Variants in SIN3A observed in about 807,000 individuals in gnomAD.
SIN3A encodes paired amphipathic helix protein Sin3a.
Under a neutral mutation model 146.1 loss-of-function variants are expected in SIN3A, and 14 were observed. The observed-to-expected ratio is 0.10, with a 90% confidence interval of 0.06 to 0.15. The LOEUF is 0.15. Among genes scored for constraint, SIN3A ranks in the 10% least tolerant of loss-of-function variants. The pLI is 1.00. For missense variants in SIN3A, 1,028 were observed against 1,576.0 expected (o/e 0.65, Z 5.89); for synonymous variants, 572 against 572.0 (o/e 1.00, Z 0.00).
rs938544306 is a variant in SIN3A, at chr15:75,380,514, G to A, written c.3383+115C>T. The A allele has an allele frequency of 3.9e-6, 3 of 765,804 alleles. No individual in the cohort carries two copies. In the Admixed American group the frequency reaches 6.2e-5, roughly 16 times the overall value. The allele number at this position is 765,804 out of a possible 1,614,324, so 47.4% of individuals were successfully genotyped here. A position where few individuals can be genotyped will look rare whatever the true frequency, so the allele number is the denominator to read the frequency against. Reference sequence around the variant, plus strand: ...ATAAAACCTTGAATTAGCATCCCCAGCAGATAGAACAAATGAATAAAATAT... The same window carrying A: ...ATAAAACCTTGAATTAGCATCCCCAACAGATAGAACAAATGAATAAAATAT... On this transcript the variant is annotated intron_variant, in intron 19 of 20. Coordinates refer to ENST00000394947, the MANE Select transcript of SIN3A (RefSeq NM_001145358.2).
chr15:75,381,525 G>T, intron 18 of SIN3A, 88 bp downstream of exon 18: 1 of 974,708 alleles, frequency 1.0e-6, no homozygotes, highest in Non-Finnish European at 1.6e-6. Context: ...AGGTGCCTTG[G>T]CCTTTTGGCA....
At chr15:75,422,494 A>G (rs1217069782) in intron 3 of SIN3A, 153 bp downstream of exon 3, 1 of 857,370 alleles carries the variant, frequency 1.2e-6, no homozygotes, top group Admixed American at 2.0e-5. Flanking sequence ...GATAGGAAAC[A>G]TAAGCAAATT....
At chr15:75,418,902 C>T (rs1328867431) in intron 3 of SIN3A, among the ~76,000 whole-genome samples, 1 of 152,110 alleles carries the variant, frequency 6.6e-6, no homozygotes, top group Non-Finnish European at 1.5e-5. Flanking sequence ...CTACAGGCGC[C>T]CGCCACCACG....
upstream of SIN3A, chr15:75,454,922 G>C (rs1207907081): frequency 6.6e-6 from 1 of 152,358 alleles, no homozygotes; most frequent in African/African-American, 2.4e-5. Context: ...TTGCTGGGTC[G>C]CGGCCTGACG....
intron 3 of SIN3A, among the ~76,000 whole-genome samples, chr15:75,414,789 T>C (rs752706641): frequency 2.7e-4 from 41 of 152,182 alleles, no homozygotes; most frequent in Admixed American, 3.9e-4. Flanking sequence ...AAAGTGAGGC[T>C]TCCCCAGGAG....
chr15:75,418,273 G>A (rs1441835047), intron 3 of SIN3A, among the ~76,000 whole-genome samples: 3 of 151,298 alleles, frequency 2.0e-5, no homozygotes, highest in East Asian at 2.0e-4. Context: ...CTCGTGATCC[G>A]CCCGCCTCGG....
At chr15:75,440,735 C>T (rs998408035) in intron 1 of SIN3A, among the ~76,000 whole-genome samples, 7 of 151,960 alleles carry the variant, frequency 4.6e-5, no homozygotes, top group Non-Finnish European at 8.8e-5. Context: ...GTAATCCCAG[C>T]ACTTTGGAAG....
chr15:75,375,661 T>C lies in SIN3A; in HGVS notation c.3591+4A>G, dbSNP rs202118407. The stretch of plus-strand genomic sequence containing the variant: ...GTACAGAAATTTCAGTTACTGGTTC[T>C]CACCTGATGAGCCCGGAGCAGGGCG... On this transcript the variant is annotated splice_donor_region_variant and intron_variant, in intron 20 of 20. Transcript: ENST00000394947. 1.5e-4 allele frequency: 236 copies of C among 1,613,258 alleles called. No individual in the cohort carries two copies. The highest frequency in any genetic ancestry group is 1.9e-4 in the Non-Finnish European group (223 of 1,179,150).
intron 12 of SIN3A, 73 bp downstream of exon 12, chr15:75,399,967 C>T (rs2073380725): frequency 1.2e-6 from 1 of 842,494 alleles, no homozygotes; most frequent in Admixed American, 1.9e-5. Flanking sequence ...TAATAACCCT[C>T]AGAGACAGGT....
At position 75,417,034 on chromosome 15, in the gene SIN3A, CT is replaced by C. The variant is rs944514856; in HGVS notation, c.367-2724del. Among the ~76,000 whole-genome samples the C allele has an allele frequency of 7.5e-3, 1,046 of 140,376 alleles. 7 individuals are homozygous for C. Among genetic ancestry groups the C allele is most frequent in the African/African-American group, 0.021 (817 of 38,676 alleles). 92.1% of individuals were successfully genotyped at this position (140,376 alleles called of 152,430 possible). On this transcript the variant is annotated intron_variant, in intron 3 of 20. Coordinates refer to ENST00000394947, the MANE Select transcript of SIN3A (RefSeq NM_001145358.2). ...GAGACTTCACTGGGTTTTATAGTGG[CT>C]TTTTTTTTTTTGGTAGCTCATTGTT...
intron 9 of SIN3A, among the ~76,000 whole-genome samples, chr15:75,404,058 T>C (rs957790258): frequency 6.6e-6 from 1 of 152,248 alleles, no homozygotes; most frequent in Non-Finnish European, 1.5e-5. Context: ...ATTACCAATC[T>C]GGAGTTTCAG....
At chr15:75,431,248 C>T (rs1038940044) in intron 1 of SIN3A, among the ~76,000 whole-genome samples, 6 of 152,210 alleles carry the variant, frequency 3.9e-5, no homozygotes, top group African/African-American at 1.4e-4. Context: ...ACAAGTTCCT[C>T]ATTCTATGTG....
At chr15:75,448,993 G>A (rs191244691) in intron 1 of SIN3A, among the ~76,000 whole-genome samples, 1 of 152,138 alleles carries the variant, frequency 6.6e-6, no homozygotes, top group African/African-American at 2.4e-5. Context: ...ATAATTATCT[G>A]GAGATTATGA....
chr15:75,387,981 G>A (rs1047883481), intron 16 of SIN3A, among the ~76,000 whole-genome samples: 2 of 152,128 alleles, frequency 1.3e-5, no homozygotes. Context: ...CAGATGTTAA[G>A]GTTCATTTAT....
chr15:75,398,110 A>G (rs923967214), intron 12 of SIN3A, among the ~76,000 whole-genome samples: 1 of 152,208 alleles, frequency 6.6e-6, no homozygotes, highest in African/African-American at 2.4e-5. Context: ...CAAAACAAAC[A>G]AACAAACAAA....
intron 1 of SIN3A, among the ~76,000 whole-genome samples, chr15:75,431,789 CTA>C (rs1418182753): frequency 6.6e-6 from 1 of 152,208 alleles, no homozygotes; most frequent in Non-Finnish European, 1.5e-5. Flanking sequence ...TTTGTCCTCA[CTA>C]TAGTCCTCAA....
At chr15:75,396,199 G>T in intron 13 of SIN3A, 59 bp downstream of exon 13, 1 of 1,181,738 alleles carries the variant, frequency 8.5e-7, no homozygotes. Flanking sequence ...CTTATTTAAT[G>T]AGACACTGAA....
chr15:75,449,629 CCCT>C (rs1176602129), intron 1 of SIN3A, among the ~76,000 whole-genome samples: 2 of 152,160 alleles, frequency 1.3e-5, no homozygotes, highest in African/African-American at 4.8e-5. Context: ...CACAATTCCA[CCCT>C]CCTCTGAAAT....
Position 75,389,714 on chromosome 15 carries a change from A to C in SIN3A, c.2959T>G (p.Phe987Val). The C allele has an allele frequency of 6.2e-7, 1 of 1,614,094 alleles. No individual in the cohort carries two copies. The highest frequency in any genetic ancestry group is 8.5e-7 in the Non-Finnish European group (1 of 1,179,992). ...SQYEDSLREM[F>V]TIHAYIAFTM... ...AAGGCAATGTAGGCATGAATGGTGA[A>C]CATCTCTCTCAGTGAATCTTCATAC... Residue 987 changes from phenylalanine to valine, a missense_variant, in exon 16 of 21, where the codon TTC (phenylalanine) becomes GTC (valine). This residue lies in a region of SIN3A where 488 missense variants were observed against 690.2 expected (regional missense o/e 0.71). Coordinates refer to ENST00000394947, the MANE Select transcript of SIN3A (RefSeq NM_001145358.2).
Sources: allele counts gnomAD v4.1 joint callset (sites outside exome capture counted in the v4.1 genomes callset), GRCh38; gene constraint gnomAD v4.1.1; regional missense constraint gnomAD v4.1.1; transcripts MANE v1.5; gene names NCBI Gene and HGNC (gene_info 2026-07-23, HGNC 2026-07-21).